MEI4: variants seen among roughly 807,000 people sequenced by gnomAD.
MEI4 encodes the protein meiotic double-stranded break formation protein 4.
Under a neutral mutation model 31.4 loss-of-function variants are expected in MEI4, and 27 were observed. That is an observed-to-expected ratio of 0.86 (90% CI 0.63 to 1.19). The LOEUF is 1.19. Among genes scored for constraint, MEI4 ranks in the 50% most tolerant of loss-of-function variants. The probability of loss-of-function intolerance (pLI) is 0.00; values close to 1 mark genes in which losing one functional copy is unlikely to be tolerated. For missense variants in MEI4, 329 were observed against 398.9 expected, an observed-to-expected ratio of 0.82 and a Z score of 1.49; for synonymous variants, 122 against 145.4, an observed-to-expected ratio of 0.84 and a Z score of 1.16.
At chr6:77,757,669 G>A (rs1767947674) in intron 2 of MEI4, among the ~76,000 whole-genome samples, 1 of 152,132 alleles carries the variant, frequency 6.6e-6, no homozygotes, top group South Asian at 2.1e-4. Flanking sequence ...TACACATGAA[G>A]TTAAGCTTAC....
chr6:77,698,183 T>A (rs950016536), intron 2 of MEI4, among the ~76,000 whole-genome samples: 2 of 152,214 alleles, frequency 1.3e-5, no homozygotes, highest in African/African-American at 2.4e-5. Flanking sequence ...ATGAGTTTCC[T>A]GAATATAGCA....
intron 4 of MEI4, among the ~76,000 whole-genome samples, chr6:77,867,914 T>G (rs546496897): frequency 6.6e-5 from 10 of 152,178 alleles, no homozygotes; most frequent in Non-Finnish European, 1.2e-4. Flanking sequence ...CATGTCCTTT[T>G]TAGGGACATG....
chr6:77,730,532 C>G (rs975517880), intron 2 of MEI4, among the ~76,000 whole-genome samples: 2 of 151,952 alleles, frequency 1.3e-5, no homozygotes, highest in East Asian at 1.9e-4. Context: ...CCTACTAACT[C>G]TTTTCTTTCA....
rs945935924 is a variant in MEI4, at chr6:77,911,130, T to G, written c.901-11959T>G. Among the ~76,000 whole-genome samples the G allele has an allele frequency of 3.9e-5, 6 of 152,062 alleles. 1 individual carries two copies. The highest frequency in any genetic ancestry group is 1.4e-4 in the African/African-American group (6 of 41,436). On this transcript the variant is annotated intron_variant, in intron 4 of 4. Coordinates refer to ENST00000684080, the MANE Select transcript of MEI4 (RefSeq NM_001322247.2). The stretch of plus-strand genomic sequence containing the variant: ...ACTTGGATTATTTATTTTTTATTGT[T>G]GCATTGCTTGAGTTTCTTGCATACT...
chr6:77,760,461 T>C (rs550422850), intron 2 of MEI4, among the ~76,000 whole-genome samples: 1 of 152,296 alleles, frequency 6.6e-6, no homozygotes, highest in South Asian at 2.1e-4. Context: ...TTATCTTTTA[T>C]GATCTGGCCT....
At chr6:77,753,994 C>T (rs1767848968) in intron 2 of MEI4, among the ~76,000 whole-genome samples, 1 of 152,058 alleles carries the variant, frequency 6.6e-6, no homozygotes, top group South Asian at 2.1e-4. Context: ...AGCAAACTAA[C>T]ACATCAGCAG....
chr6:77,905,512 T>C (rs867608451), intron 4 of MEI4, among the ~76,000 whole-genome samples: 11 of 69,644 alleles, frequency 1.6e-4, no homozygotes, highest in Admixed American at 1.1e-3. Flanking sequence ...TTTTTTTTTT[T>C]TTGTGGCAGA....
At chr6:77,727,132 G>C (rs895344661) in intron 2 of MEI4, among the ~76,000 whole-genome samples, 2 of 152,124 alleles carry the variant, frequency 1.3e-5, no homozygotes, top group Non-Finnish European at 2.9e-5. Context: ...GATGTGAGTG[G>C]TGATTCTGGA....
chr6:77,891,351 C>CA (rs1385214211), intron 4 of MEI4, among the ~76,000 whole-genome samples: 1 of 151,732 alleles, frequency 6.6e-6, no homozygotes, highest in Non-Finnish European at 1.5e-5. Context: ...CTTTTTTTGT[C>CA]AGACAGGTTA....
At chr6:77,907,497 A>C (rs926595621) in intron 4 of MEI4, among the ~76,000 whole-genome samples, 2 of 152,160 alleles carry the variant, frequency 1.3e-5, no homozygotes, top group African/African-American at 4.8e-5. Context: ...ATAGTATTCC[A>C]TGGTGTATAT....
chr6:77,735,479 C>T (rs141392173), intron 2 of MEI4, among the ~76,000 whole-genome samples: 1 of 152,034 alleles, frequency 6.6e-6, no homozygotes, highest in Non-Finnish European at 1.5e-5. Context: ...TGGTTTTCAG[C>T]TTCATCAGGT....
At chr6:77,655,457 A>C (rs544787198) in intron 1 of MEI4, among the ~76,000 whole-genome samples, 2 of 152,268 alleles carry the variant, frequency 1.3e-5, no homozygotes, top group East Asian at 3.9e-4. Flanking sequence ...GTTATTTGCA[A>C]ATTTATGGGA....
chr6:77,856,366 C>T (rs1206466735), intron 4 of MEI4, among the ~76,000 whole-genome samples: 2 of 152,248 alleles, frequency 1.3e-5, no homozygotes, highest in Middle Eastern at 3.4e-3. Context: ...AACTCAGGTG[C>T]CTATCTAATC....
At chr6:77,790,347 A>G (rs1389151682) in intron 3 of MEI4, among the ~76,000 whole-genome samples, 1 of 152,022 alleles carries the variant, frequency 6.6e-6, no homozygotes, top group Non-Finnish European at 1.5e-5. Context: ...GCACATGTAT[A>G]CATATGTAAC....
chr6:77,796,793 A>C (rs9343664), intron 3 of MEI4, among the ~76,000 whole-genome samples: 46,923 of 152,060 alleles, frequency 0.31, 7,418 homozygotes, highest in East Asian at 0.48. Flanking sequence ...AGTGCCATCC[A>C]CATTAAAATT....
rs944392945 is a variant in MEI4 at position 77,820,921 on chromosome 6, T to A, written c.769-8010T>A. 6.6e-6 allele frequency among the ~76,000 whole-genome samples: 1 copy of A among 151,942 alleles called. No homozygotes were observed. Among genetic ancestry groups the A allele is most frequent in the Non-Finnish European group, 1.5e-5 (1 of 67,952 alleles). On this transcript the variant is annotated intron_variant, in intron 3 of 4. Coordinates refer to ENST00000684080, the MANE Select transcript of MEI4 (RefSeq NM_001322247.2). The surrounding 1 kb of genome is among the most constrained non-coding windows in gnomAD (Gnocchi z 4.5). ...GTCTCTCTTAGTTTTTTTCTTTTTC[T>A]TTTTTTGAATTCTATTTAAAGATAC...
chr6:77,716,607 G>T (rs1296242513), intron 2 of MEI4, among the ~76,000 whole-genome samples: 1 of 152,120 alleles, frequency 6.6e-6, no homozygotes. Flanking sequence ...GGAGTAACTT[G>T]GGCAAGGGTA....
intron 3 of MEI4, among the ~76,000 whole-genome samples, chr6:77,776,268 C>A (rs1370372265): frequency 6.6e-6 from 1 of 151,646 alleles, no homozygotes; most frequent in Non-Finnish European, 1.5e-5. Context: ...ATGTGGATAT[C>A]TTTTGAGGGC....
chr6:77,743,998 A>T (rs1040099571), intron 2 of MEI4, among the ~76,000 whole-genome samples: 3 of 152,202 alleles, frequency 2.0e-5, no homozygotes, highest in African/African-American at 7.2e-5. Context: ...CCAAAAGTAG[A>T]TAAAACCACA....
Sources: gnomAD v4.1 joint callset for allele counts (sites outside exome capture counted in the v4.1 genomes callset) on GRCh38, gnomAD v4.1.1 for gene constraint, Gnocchi (gnomAD v3.1) non-coding constraint, MANE v1.5 for transcripts, NCBI Gene and HGNC (gene_info 2026-07-23, HGNC 2026-07-21) for gene names.